The following GNAI2 variants were observed in gnomAD, a reference collection of about 807,000 sequenced individuals.
GNAI2 encodes the protein G protein subunit alpha i2, also known as guanine nucleotide-binding protein G(i) subunit alpha-2.
A neutral mutation model predicts 36.8 loss-of-function variants in GNAI2; 4 were observed. The observed-to-expected ratio is 0.11, with a 90% CI of 0.05 to 0.25. The LOEUF (loss-of-function observed/expected upper bound fraction) is 0.25. Among genes scored for constraint, GNAI2 ranks in the 10% least tolerant of loss-of-function variants. The pLI, the probability that GNAI2 is intolerant of heterozygous loss-of-function variation, is 1.00. For synonymous variants in GNAI2, 194 were observed against 194.1 expected (o/e 1.00, Z 0.01); for missense variants, 230 against 481.3 (o/e 0.48, Z 4.89).
chr3:50,257,060 C>G lies in GNAI2; in HGVS notation c.847C>G (p.Pro283Ala). 1 of 1,613,970 alleles carries G rather than the reference C, an allele frequency of 6.2e-7. No individual in the cohort carries two copies. Among genetic ancestry groups the G allele is most frequent in the Non-Finnish European group, 8.5e-7 (1 of 1,179,844 alleles). The change falls in exon 7 of 9, where the codon CCC becomes GCC. Residue 283 changes from proline to alanine, a missense_variant. By Grantham distance (27) the Pro-to-Ala change is conservative (BLOSUM62 -1). This residue lies in a region of GNAI2 where 51 missense variants were observed against 56.7 expected (regional missense o/e 0.90). Coordinates refer to ENST00000313601, the MANE Select transcript of GNAI2 (RefSeq NM_002070.4). The part of the protein sequence containing the change: ...DLFEEKITHS[P>A]LTICFPEYTG... ...GTTTGAGGAGAAGATCACACACAGT[C>G]CCCTGACCATCTGCTTCCCTGAGTA...
At chr3:50,246,982 C>T (rs1254832961) in intron 1 of GNAI2, 1 of 1,447,288 alleles carries the variant, frequency 6.9e-7, no homozygotes, top group Non-Finnish European at 9.4e-7. Flanking sequence ...CTGTCCATTG[C>T]TCTTCATCTG....
Position 50,240,537 on chromosome 3 carries a change from G to A in GNAI2, c.118+4084G>A, listed in dbSNP as rs138019955. Among the ~76,000 whole-genome samples, 13 of 152,286 alleles carry A rather than the reference G, an allele frequency of 8.5e-5. No homozygotes were observed. In the East Asian group the frequency reaches 2.5e-3, roughly 29 times the overall value. On this transcript the variant is annotated intron_variant, in intron 1 of 8. Coordinates refer to ENST00000313601, the MANE Select transcript of GNAI2 (RefSeq NM_002070.4). ...CAGGTGAAGCCCTGGCAGGAGTCCT[G>A]CTCTCCACTCATAACCTGGGGGCAG...
chr3:50,252,776 A>G lies in GNAI2; in HGVS notation c.303+238A>G, dbSNP rs587738755. Among the ~76,000 whole-genome samples, 1 of 152,276 alleles carries G rather than the reference A, an allele frequency of 6.6e-6. No homozygotes were observed. The highest frequency in any genetic ancestry group is 2.1e-4 in the South Asian group (1 of 4,826). On this transcript the variant is annotated intron_variant, in intron 3 of 8. Transcript: ENST00000313601. This position sits in a 1 kb window ranked among gnomAD's most constrained non-coding sequence, Gnocchi z 4.1. ...CTACTTGGGAGGCTGAAGCAGGAGA[A>G]TTGCTTGAACCCGGGAGGCAGAGGA...
At chr3:50,257,904 G>C in intron 8 of GNAI2, 190 bp downstream of exon 8, 1 of 501,064 alleles carries the variant, frequency 2.0e-6, no homozygotes, top group Non-Finnish European at 3.5e-6. Flanking sequence ...AGGGCATGGA[G>C]GAGGTCATAC....
upstream of GNAI2, chr3:50,229,108 G>A (rs1437367289): frequency 6.6e-6 from 1 of 152,176 alleles, no homozygotes; most frequent in African/African-American, 2.4e-5. Context: ...CAGCCCTAAC[G>A]AGTCACGGGA....
At position 50,245,734 on chromosome 3, in the gene GNAI2, C is replaced by T. The variant is rs587644316; in HGVS notation, c.119-6366C>T. Among the ~76,000 whole-genome samples, 53 of 152,372 alleles carry T rather than the reference C, an allele frequency of 3.5e-4. 1 individual carries two copies. The highest frequency in any genetic ancestry group is 1.4e-3 in the Admixed American group (22 of 15,314). On this transcript the variant is annotated intron_variant, in intron 1 of 8. Transcript: ENST00000313601. ...CCTCACCCGGTGCCTGAGTTTCCCTCTGTGCAGTGGAAAGGGCCCCACTGA... is the reference window on the plus strand; with the variant it reads ...CCTCACCCGGTGCCTGAGTTTCCCTTTGTGCAGTGGAAAGGGCCCCACTGA...
rs1382787631 is a variant in GNAI2 at position 50,242,200 on chromosome 3, C to T, written c.118+5747C>T. Among the ~76,000 whole-genome samples the T allele has an allele frequency of 2.0e-5, 3 of 152,234 alleles. No homozygotes were observed. The highest frequency in any genetic ancestry group is 2.1e-4 in the South Asian group (1 of 4,822). The stretch of plus-strand genomic sequence containing the variant: ...CCACTGAGGAACCAGGGACTCCCCC[C>T]ACCCCACCCACAGCAGAGGAGGAGA... On this transcript the variant is annotated intron_variant, in intron 1 of 8. Coordinates refer to ENST00000313601, the MANE Select transcript of GNAI2 (RefSeq NM_002070.4). The surrounding 1 kb of genome is among the most constrained non-coding windows in gnomAD (Gnocchi z 4.8).
chr3:50,236,074 C>A, upstream of GNAI2: 2 of 597,430 alleles, frequency 3.3e-6, no homozygotes, highest in Non-Finnish European at 4.5e-6. This position sits in a 1 kb window ranked among gnomAD's most constrained non-coding sequence, Gnocchi z 4.0. Flanking sequence ...TCGAGCCAAT[C>A]AACAGCCTCT....
intron 1 of GNAI2, chr3:50,251,448 C>T (rs782074999): frequency 1.4e-4 from 150 of 1,051,588 alleles, no homozygotes; most frequent in Non-Finnish European, 1.6e-4. Flanking sequence ...TGAGATACGC[C>T]GCAGGTCTCC....
At position 50,245,789 on chromosome 3, in the gene GNAI2, T is replaced by G. The variant is rs587654830; in HGVS notation, c.119-6311T>G. ...GACACACCTTGCCCCAGAAAGACTT[T>G]CCCATGTGTGGGCAGGACCTGAGGC... On this transcript the variant is annotated intron_variant, in intron 1 of 8. Transcript: ENST00000313601. Among the ~76,000 whole-genome samples, 3 of 152,322 alleles carry G rather than the reference T, an allele frequency of 2.0e-5. No individual in the cohort carries two copies. The South Asian group carries it at 6.2e-4, about 32-fold the overall frequency.
At chr3:50,243,127 G>A (rs1428412421) in intron 1 of GNAI2, among the ~76,000 whole-genome samples, 1 of 152,210 alleles carries the variant, frequency 6.6e-6, no homozygotes, top group African/African-American at 2.4e-5. Context: ...TCTAGGAGGT[G>A]AACACCTGCC....
At chr3:50,248,875 A>G (rs1700481626) in intron 1 of GNAI2, among the ~76,000 whole-genome samples, 1 of 151,978 alleles carries the variant, frequency 6.6e-6, no homozygotes, top group Non-Finnish European at 1.5e-5. Flanking sequence ...CCTGGCTCCT[A>G]GTGTGACTGG....
At chr3:50,245,029 G>A (rs1292934730) in intron 1 of GNAI2, among the ~76,000 whole-genome samples, 4 of 147,882 alleles carry the variant, frequency 2.7e-5, no homozygotes, top group East Asian at 4.0e-4. Context: ...ACTGAGTTTC[G>A]CTCTTGTTGC....
chr3:50,242,133 C>T lies in GNAI2; in HGVS notation c.118+5680C>T, dbSNP rs1311798424. ...CTCTAAAAGCCACCCATTCACTTGG[C>T]GGGAACAGGATGGAGGAAGCTTTGT... On this transcript the variant is annotated intron_variant, in intron 1 of 8. Coordinates refer to ENST00000313601, the MANE Select transcript of GNAI2 (RefSeq NM_002070.4). This position sits in a 1 kb window ranked among gnomAD's most constrained non-coding sequence, Gnocchi z 4.8. Among the ~76,000 whole-genome samples the T allele has an allele frequency of 3.3e-5, 5 of 152,094 alleles. No homozygotes were observed. The highest frequency in any genetic ancestry group is 7.2e-5 in the African/African-American group (3 of 41,420).
chr3:50,232,541 G>A (rs1232981101), upstream of GNAI2, among the ~76,000 whole-genome samples: 1 of 152,204 alleles, frequency 6.6e-6, no homozygotes, highest in East Asian at 1.9e-4. Context: ...TAGCTGGCAA[G>A]TTTGCAAACT....
rs1173948566 is a variant in GNAI2 at position 50,241,863 on chromosome 3, G to A, written c.118+5410G>A. Among the ~76,000 whole-genome samples the A allele has an allele frequency of 2.6e-5, 4 of 152,172 alleles. No individual in the cohort carries two copies. The highest frequency in any genetic ancestry group is 9.7e-5 in the African/African-American group (4 of 41,426). On this transcript the variant is annotated intron_variant, in intron 1 of 8. Transcript: ENST00000313601. This position sits in a 1 kb window ranked among gnomAD's most constrained non-coding sequence, Gnocchi z 5.0. ...TGGCCCTGGGTGGCCTGAGAGGTAG[G>A]GTCACTGAGTGCCATCACTGATGTC... is the stretch of plus-strand genomic sequence containing the variant.
At position 50,247,972 on chromosome 3, in the gene GNAI2, C is replaced by T. The variant is rs587766011; in HGVS notation, c.119-4128C>T. Among the ~76,000 whole-genome samples the T allele has an allele frequency of 1.1e-4, 16 of 152,376 alleles. No homozygotes were observed. The South Asian group carries it at 2.3e-3, about 22-fold the overall frequency. Reference sequence around the variant, plus strand: ...GACTCAGGCTGGACGCGGTGGCTCACGCCTGTAATCCCAGCACTTTGGGAG... The same window carrying T: ...GACTCAGGCTGGACGCGGTGGCTCATGCCTGTAATCCCAGCACTTTGGGAG... On this transcript the variant is annotated intron_variant, in intron 1 of 8. Coordinates refer to ENST00000313601, the MANE Select transcript of GNAI2 (RefSeq NM_002070.4).
Position 50,255,053 on chromosome 3 carries a change from C to A in GNAI2, c.465-1139C>A, listed in dbSNP as rs1334510353. The stretch of plus-strand genomic sequence containing the variant: ...GCAGTAGGGGGCGGGGCATGGTATG[C>A]GGGTCACAGCACATGCGTCATCCTT... On this transcript the variant is annotated intron_variant, in intron 4 of 8. Transcript: ENST00000313601. The surrounding 1 kb of genome is among the most constrained non-coding windows in gnomAD (Gnocchi z 4.0). Among the ~76,000 whole-genome samples the A allele has an allele frequency of 1.3e-5, 2 of 152,190 alleles. No individual in the cohort carries two copies. The highest frequency in any genetic ancestry group is 4.8e-5 in the African/African-American group (2 of 41,452).
chr3:50,246,801 G>A (rs1553701826), intron 1 of GNAI2: 3 of 823,968 alleles, frequency 3.6e-6, no homozygotes, highest in Non-Finnish European at 5.3e-6. Flanking sequence ...TCAGCAGTGA[G>A]GCTCCTGGGC....
Sources: gnomAD v4.1 joint callset for allele counts (sites outside exome capture counted in the v4.1 genomes callset) on GRCh38, gnomAD v4.1.1 for gene constraint, gnomAD v4.1.1 regional missense constraint, Gnocchi (gnomAD v3.1) non-coding constraint, MANE v1.5 for transcripts, NCBI Gene and HGNC (gene_info 2026-07-23, HGNC 2026-07-21) for gene names.